DOK6: variants seen among roughly 807,000 people sequenced by gnomAD.
DOK6 encodes the protein downstream of tyrosine kinase 6.
Under a neutral mutation model 44.0 loss-of-function variants are expected in DOK6, and 22 were observed. The observed-to-expected ratio is 0.50, with a 90% CI of 0.36 to 0.71. The LOEUF is 0.71. Among genes scored for constraint, DOK6 ranks in the 30% least tolerant of loss-of-function variants. The pLI is 0.00. For synonymous variants in DOK6, 166 were observed against 145.5 expected (o/e 1.14, Z -1.01); for missense variants, 340 against 416.4 (o/e 0.82, Z 1.60).
chr18:69,744,019 C>T (rs543928912), intron 6 of DOK6, among the ~76,000 whole-genome samples: 1 of 152,280 alleles, frequency 6.6e-6, no homozygotes, highest in South Asian at 2.1e-4. Flanking sequence ...CCAGAGCTGT[C>T]AATCCTGTGA....
intron 1 of DOK6, among the ~76,000 whole-genome samples, chr18:69,407,532 A>T (rs2122384423): frequency 6.6e-6 from 1 of 152,342 alleles, no homozygotes; most frequent in South Asian, 2.1e-4. Flanking sequence ...CTAGATAGGG[A>T]ACATTTTCAT....
chr18:69,654,178 C>A (rs899070794), intron 3 of DOK6, among the ~76,000 whole-genome samples: 1 of 151,726 alleles, frequency 6.6e-6, no homozygotes, highest in African/African-American at 2.4e-5. Context: ...AAGAAAAGAG[C>A]AAAAAAATAT....
At chr18:69,480,985 G>A (rs76526655) in intron 1 of DOK6, among the ~76,000 whole-genome samples, 5,591 of 152,228 alleles carry the variant, frequency 0.037, 155 homozygotes, top group Admixed American at 0.093. Flanking sequence ...AAGTGAGAGT[G>A]AAGGAAAGAG....
chr18:69,488,692 A>G (rs1980652889), intron 1 of DOK6, among the ~76,000 whole-genome samples: 1 of 152,110 alleles, frequency 6.6e-6, no homozygotes, highest in African/African-American at 2.4e-5. Flanking sequence ...CTTATTCACT[A>G]TCAGAAGAAC....
chr18:69,518,324 TCTTTC>T (rs1228280271), intron 1 of DOK6, among the ~76,000 whole-genome samples: 1 of 152,038 alleles, frequency 6.6e-6, no homozygotes, highest in African/African-American at 2.4e-5. Context: ...CTTCTTCTGC[TCTTTC>T]CTTTTCTTTT....
At chr18:69,429,859 A>T (rs1661348828) in intron 1 of DOK6, among the ~76,000 whole-genome samples, 1 of 151,790 alleles carries the variant, frequency 6.6e-6, no homozygotes, top group South Asian at 2.1e-4. Flanking sequence ...TATCTCTGGA[A>T]TTTTTCCAAA....
chr18:69,505,474 C>A (rs111588377), intron 1 of DOK6, among the ~76,000 whole-genome samples: 6 of 149,740 alleles, frequency 4.0e-5, no homozygotes, highest in African/African-American at 1.5e-4. Flanking sequence ...GGATTCTAGT[C>A]CTGTCATACT....
intron 2 of DOK6, among the ~76,000 whole-genome samples, chr18:69,580,457 T>G (rs1983341086): frequency 6.6e-6 from 1 of 152,234 alleles, no homozygotes; most frequent in Non-Finnish European, 1.5e-5. Flanking sequence ...CTCTGCTTGC[T>G]TTTAGAAAGC....
At chr18:69,435,600 A>T (rs964776246) in intron 1 of DOK6, among the ~76,000 whole-genome samples, 8 of 152,222 alleles carry the variant, frequency 5.3e-5, no homozygotes, top group Non-Finnish European at 8.8e-5. Context: ...TTGGAACAAT[A>T]AAGTCAGGAT....
At position 69,621,302 on chromosome 18, in the gene DOK6, G is replaced by T. The variant is rs376434856; in HGVS notation, c.289+21804G>T. Among the ~76,000 whole-genome samples, 17 of 152,234 alleles carry T rather than the reference G, an allele frequency of 1.1e-4. No homozygotes were observed. In the East Asian group the frequency reaches 2.9e-3, roughly 26 times the overall value. ...GGTAATTATAGAATGTACTAAAATT[G>T]TTACTGACTGAGACTCAGTAAGTGC... On this transcript the variant is annotated intron_variant, in intron 3 of 7. Transcript: ENST00000382713.
chr18:69,734,091 T>C (rs954199497), intron 5 of DOK6, among the ~76,000 whole-genome samples: 7 of 152,170 alleles, frequency 4.6e-5, no homozygotes, highest in Admixed American at 1.3e-4. Flanking sequence ...GTGCTTTTTT[T>C]TCCCCATTTG....
At chr18:69,538,016 A>G (rs772939134) in intron 1 of DOK6, among the ~76,000 whole-genome samples, 1 of 152,190 alleles carries the variant, frequency 6.6e-6, no homozygotes, top group Non-Finnish European at 1.5e-5. Context: ...TAAAACTGTC[A>G]TGTTCAATTT....
At chr18:69,764,183 C>T (rs929613440) in intron 7 of DOK6, among the ~76,000 whole-genome samples, 11 of 151,960 alleles carry the variant, frequency 7.2e-5, no homozygotes, top group African/African-American at 2.7e-4. Context: ...AAATCCGTCT[C>T]TCTACACCTG....
intron 2 of DOK6, among the ~76,000 whole-genome samples, chr18:69,592,151 T>C (rs1048307275): frequency 3.3e-5 from 5 of 151,870 alleles, no homozygotes; most frequent in Non-Finnish European, 7.4e-5. Context: ...ATATCTCTTA[T>C]AGAAATCACT....
At chr18:69,731,819 G>A (rs564765074) in intron 5 of DOK6, among the ~76,000 whole-genome samples, 1 of 152,282 alleles carries the variant, frequency 6.6e-6, no homozygotes, top group Admixed American at 6.5e-5. Flanking sequence ...TAAAAGGAAA[G>A]TATACTTCAT....
At chr18:69,646,028 A>G (rs1350025743) in intron 3 of DOK6, among the ~76,000 whole-genome samples, 1 of 152,068 alleles carries the variant, frequency 6.6e-6, no homozygotes, top group Non-Finnish European at 1.5e-5. Flanking sequence ...AGGAATATGT[A>G]TTTGTTCTAG....
In DOK6 at chr18:69,844,914, G is replaced by A. The variant is rs760072868; in HGVS notation, c.*3531G>A. On this transcript the variant is annotated 3_prime_UTR_variant, in exon 8 of 8. Coordinates refer to ENST00000382713, the MANE Select transcript of DOK6 (RefSeq NM_152721.6). ...AATCTTTCATCACCTATAAAATGGT[G>A]AGCCTCTTGTACTTTCTATTCAGTG... 3 of 152,186 alleles carry A rather than the reference G, an allele frequency of 2.0e-5. No individual in the cohort carries two copies. Among genetic ancestry groups the A allele is most frequent in the Admixed American group, 6.5e-5 (1 of 15,270 alleles). The allele number at this position is 152,186 out of a possible 1,614,324, so 9.4% of individuals were successfully genotyped here.
At chr18:69,734,433 G>A (rs1005707457) in intron 5 of DOK6, among the ~76,000 whole-genome samples, 42 of 131,016 alleles carry the variant, frequency 3.2e-4, no homozygotes, top group African/African-American at 1.0e-3. Context: ...TTCTAGCATC[G>A]TTAAATGACA....
chr18:69,640,943 T>G (rs995591474), intron 3 of DOK6, among the ~76,000 whole-genome samples: 3 of 152,138 alleles, frequency 2.0e-5, no homozygotes, highest in Admixed American at 6.5e-5. Context: ...CCAGGCATGG[T>G]GGCTCACGCC....
Sources: gnomAD v4.1 joint callset for allele counts (sites outside exome capture counted in the v4.1 genomes callset) on GRCh38, gnomAD v4.1.1 for gene constraint, MANE v1.5 for transcripts, NCBI Gene and HGNC (gene_info 2026-07-23, HGNC 2026-07-21) for gene names.